The following NBEA variants were observed in gnomAD, a reference collection of about 807,000 sequenced individuals.
NBEA encodes the protein neurobeachin.
Under a neutral mutation model 343.4 loss-of-function variants are expected in NBEA, and 44 were observed. The observed-to-expected ratio is 0.13, with a 90% CI of 0.10 to 0.16. The LOEUF is 0.16. Ranked by LOEUF, NBEA falls within the 10% of genes least tolerant of loss-of-function variation. NBEA has a pLI of 1.00. For missense variants in NBEA, 2,555 were observed against 3,631.3 expected (o/e 0.70, Z 7.62); for synonymous variants, 1,175 against 1,238.7 (o/e 0.95, Z 1.08).
intron 11 of NBEA, among the ~76,000 whole-genome samples, chr13:35,105,425 A>G (rs542097974): frequency 6.6e-6 from 1 of 152,116 alleles, no homozygotes; most frequent in African/African-American, 2.4e-5. Flanking sequence ...GGTTTTATCT[A>G]TATCTCTGCT....
chr13:35,438,455 G>A (rs1471146798), intron 39 of NBEA, among the ~76,000 whole-genome samples: 1 of 152,182 alleles, frequency 6.6e-6, no homozygotes, highest in African/African-American at 2.4e-5. Flanking sequence ...CAAGTAATCT[G>A]ACTTCATTTT....
chr13:35,068,886 G>A (rs1197373003), intron 8 of NBEA, among the ~76,000 whole-genome samples: 2 of 152,082 alleles, frequency 1.3e-5, no homozygotes, highest in East Asian at 3.9e-4. Flanking sequence ...CTTTTAGAAA[G>A]GACAAATCTT....
At chr13:35,226,899 G>A (rs192333481) in intron 33 of NBEA, among the ~76,000 whole-genome samples, 3 of 151,968 alleles carry the variant, frequency 2.0e-5, no homozygotes, top group Admixed American at 1.3e-4. Context: ...TCATGCTCAC[G>A]TAGGCATTAC....
rs151154352 is a variant in NBEA, at chr13:35,451,415, C to A, written c.6305-677C>A. Reference sequence around the variant, plus strand: ...GGGATTACAGGCGTGAGCCACTGCGCCCAACCAGCTTTTTGTGTTATTATA... The same window carrying A: ...GGGATTACAGGCGTGAGCCACTGCGACCAACCAGCTTTTTGTGTTATTATA... On this transcript the variant is annotated intron_variant, in intron 39 of 58. Coordinates refer to ENST00000379939, the MANE Select transcript of NBEA (RefSeq NM_001385012.1). Among the ~76,000 whole-genome samples the A allele has an allele frequency of 3.9e-3, 590 of 152,310 alleles. 4 individuals carry two copies. Among genetic ancestry groups the A allele is most frequent in the African/African-American group, 0.014 (564 of 41,558 alleles).
intron 17 of NBEA, 140 bp from the exon 18 acceptor site, chr13:35,142,129 T>C (rs2068125858): frequency 2.1e-6 from 1 of 481,760 alleles, no homozygotes; most frequent in African/African-American, 1.9e-5. Context: ...AAACTGTTGT[T>C]TCTATAGATG....
intron 11 of NBEA, 124 bp from the exon 12 acceptor site, chr13:35,109,166 A>C (rs1593371332): frequency 1.2e-6 from 1 of 840,256 alleles, no homozygotes; most frequent in East Asian, 3.0e-5. Flanking sequence ...AAAGAAAACA[A>C]ATGTTTATTT....
At chr13:35,395,240 C>T (rs908745896) in intron 38 of NBEA, among the ~76,000 whole-genome samples, 1 of 151,694 alleles carries the variant, frequency 6.6e-6, no homozygotes, top group African/African-American at 2.4e-5. Flanking sequence ...GAATTATAAT[C>T]CCCAGTGTTG....
chr13:35,337,088 A>T (rs2039306100), intron 36 of NBEA, among the ~76,000 whole-genome samples: 2 of 152,148 alleles, frequency 1.3e-5, no homozygotes, highest in Admixed American at 1.3e-4. Flanking sequence ...AAAAGAAGGC[A>T]AGAAATGGAA....
rs190818217 is a variant in NBEA at position 34,951,780 on chromosome 13, T to C, written c.294+8666T>C. Among the ~76,000 whole-genome samples, 49 of 152,336 alleles carry C rather than the reference T, an allele frequency of 3.2e-4. No homozygotes were observed. The East Asian group carries it at 9.4e-3, about 29-fold the overall frequency. On this transcript the variant is annotated intron_variant, in intron 1 of 58. Transcript: ENST00000379939. ...CACAGGGCTGACTTTCACATGTTGA[T>C]GTAGTAAGACATGAATGGTGATCCA...
chr13:35,559,228 A>T (rs1462846964), intron 44 of NBEA, among the ~76,000 whole-genome samples: 2 of 152,180 alleles, frequency 1.3e-5, no homozygotes, highest in Non-Finnish European at 2.9e-5. Context: ...ATTGGTGGAC[A>T]GTGTGTATCC....
At position 35,171,384 on chromosome 13, in the gene NBEA, A is replaced by G; in HGVS notation, c.4355A>G (p.Asn1452Ser). The G allele has an allele frequency of 1.2e-6, 2 of 1,612,260 alleles. No homozygotes were observed. The highest frequency in any genetic ancestry group is 8.5e-7 in the Non-Finnish European group (1 of 1,178,666). Residue 1452 changes from asparagine (N) to serine (S), a missense_variant, in exon 26 of 59, where the codon AAT becomes AGT. By Grantham distance (46) the Asn-to-Ser change is conservative. Transcript: ENST00000379939. The stretch of plus-strand genomic sequence containing the variant: ...GTACTTGTGTTTGCAAGCTCTCTAA[A>G]TTTTAGTGAGATTGAAGCTGAGAAA... ...VDVLVFASSL[N>S]FSEIEAEKNM...
intron 8 of NBEA, among the ~76,000 whole-genome samples, chr13:35,064,301 G>T (rs1459940916): frequency 6.6e-6 from 1 of 151,978 alleles, no homozygotes; most frequent in East Asian, 1.9e-4. Context: ...AAAGGAGAAT[G>T]AGGAGAACAA....
At chr13:35,594,647 T>A (rs1465961997) in intron 47 of NBEA, among the ~76,000 whole-genome samples, 1 of 152,088 alleles carries the variant, frequency 6.6e-6, no homozygotes, top group Non-Finnish European at 1.5e-5. Flanking sequence ...CCATAAGCCA[T>A]CATTTAAAAT....
intron 11 of NBEA, among the ~76,000 whole-genome samples, chr13:35,106,497 CCTTT>C (rs1474312077): frequency 6.6e-6 from 1 of 151,692 alleles, no homozygotes; most frequent in Non-Finnish European, 1.5e-5. Flanking sequence ...AAGATAATAT[CCTTT>C]CTTATATTAG....
chr13:35,492,831 C>T (rs1175783061), intron 41 of NBEA, among the ~76,000 whole-genome samples: 1 of 151,804 alleles, frequency 6.6e-6, no homozygotes, highest in African/African-American at 2.4e-5. Flanking sequence ...CAAGAAGGGA[C>T]TTAGATGTTT....
At chr13:35,202,431 T>C (rs1170944273) in intron 31 of NBEA, among the ~76,000 whole-genome samples, 2 of 152,166 alleles carry the variant, frequency 1.3e-5, no homozygotes, top group South Asian at 2.1e-4. Flanking sequence ...GGGATTCTTA[T>C]AGTGTGCCAT....
intron 38 of NBEA, among the ~76,000 whole-genome samples, chr13:35,430,363 A>T (rs11617330): frequency 0.019 from 2,920 of 152,204 alleles, 52 homozygotes; most frequent in South Asian, 0.034. Flanking sequence ...TGTATAGATT[A>T]TGAAAATTTT....
chr13:35,124,197 A>G (rs1429133031), intron 17 of NBEA, among the ~76,000 whole-genome samples: 1 of 150,696 alleles, frequency 6.6e-6, no homozygotes, highest in African/African-American at 2.5e-5. Context: ...AAGTAGTGCA[A>G]CTATAATTTA....
At position 35,472,549 on chromosome 13, in the gene NBEA, G is replaced by C; in HGVS notation, c.6585+13G>C. 3.7e-6 allele frequency: 6 copies of C among 1,613,924 alleles called. No homozygotes were observed. The highest frequency in any genetic ancestry group is 5.1e-6 in the Non-Finnish European group (6 of 1,179,828). On this transcript the variant is annotated intron_variant, in intron 41 of 58. Coordinates refer to ENST00000379939, the MANE Select transcript of NBEA (RefSeq NM_001385012.1). ...GATCGACACGAAAGTGAGTTAAAGC[G>C]ATTCCATGTACAGTATTGGTGGCTT...
Sources: allele counts gnomAD v4.1 joint callset (sites outside exome capture counted in the v4.1 genomes callset), GRCh38; gene constraint gnomAD v4.1.1; transcripts MANE v1.5; gene names NCBI Gene and HGNC (gene_info 2026-07-23, HGNC 2026-07-21).